QKI: variants seen among roughly 807,000 people sequenced by gnomAD.
QKI encodes the protein KH domain-containing RNA-binding protein QKI.
A neutral mutation model predicts 39.0 loss-of-function variants in QKI; 10 were observed. The ratio of observed to expected loss-of-function variants is 0.26; its 90% CI spans 0.16 to 0.43. The LOEUF is 0.43. Ranked by LOEUF, QKI falls within the 20% of genes least tolerant of loss-of-function variation. The pLI is 1.00. For missense variants in QKI, 218 were observed against 428.0 expected, an observed-to-expected ratio of 0.51 and a Z score of 4.33; for synonymous variants, 204 against 155.4, an observed-to-expected ratio of 1.31 and a Z score of -2.33.
chr6:163,423,700 CTAAT>C (rs1474918823), intron 1 of QKI: 4 of 152,174 alleles, frequency 2.6e-5, no homozygotes, highest in African/African-American at 7.2e-5. Context: ...CGATAACTTT[CTAAT>C]TAAGAGGCTA....
chr6:163,490,307 C>T (rs1777975662), intron 3 of QKI, among the ~76,000 whole-genome samples: 1 of 152,190 alleles, frequency 6.6e-6, no homozygotes, highest in Non-Finnish European at 1.5e-5. Context: ...TTAATACAAT[C>T]TGCGGCAGCA....
At chr6:163,503,825 C>A (rs143333186) in intron 3 of QKI, among the ~76,000 whole-genome samples, 6 of 151,880 alleles carry the variant, frequency 4.0e-5, no homozygotes, top group African/African-American at 1.5e-4. Context: ...CTGCAACTTC[C>A]GCCTCCTGGG....
At chr6:163,462,583 C>T (rs1299612782) in intron 2 of QKI, among the ~76,000 whole-genome samples, 2 of 151,998 alleles carry the variant, frequency 1.3e-5, no homozygotes, top group Non-Finnish European at 2.9e-5. Flanking sequence ...ATAAATTTGC[C>T]ATGTTAAGGA....
intron 1 of QKI, among the ~76,000 whole-genome samples, chr6:163,439,362 G>GT (rs1186180348): frequency 1.4e-5 from 2 of 146,544 alleles, no homozygotes; most frequent in African/African-American, 5.1e-5. Context: ...TTTCGGGGGG[G>GT]TGGGGGACGG....
intron 2 of QKI, among the ~76,000 whole-genome samples, chr6:163,459,867 T>C (rs1042098500): frequency 1.3e-5 from 2 of 152,248 alleles, no homozygotes; most frequent in Admixed American, 6.5e-5. Context: ...ATTGAAGTTA[T>C]ATTTAGACCA....
intron 4 of QKI, among the ~76,000 whole-genome samples, chr6:163,541,498 C>CT (rs34303940): frequency 0.56 from 79,790 of 142,300 alleles, 22,635 homozygotes; most frequent in East Asian, 0.73. Context: ...TATGTCTACC[C>CT]TTTTTTTTTT....
At chr6:163,461,405 A>C (rs1358601427) in intron 2 of QKI, among the ~76,000 whole-genome samples, 2 of 152,202 alleles carry the variant, frequency 1.3e-5, no homozygotes, top group Non-Finnish European at 2.9e-5. Context: ...TCTTTTATAA[A>C]TAATATATTT....
intron 2 of QKI, among the ~76,000 whole-genome samples, chr6:163,472,260 A>G (rs1272202871): frequency 6.6e-6 from 1 of 152,228 alleles, no homozygotes; most frequent in Non-Finnish European, 1.5e-5. Context: ...ATCATAAGGA[A>G]GAAAAAATAC....
At chr6:163,472,991 T>C (rs1273482811) in intron 2 of QKI, among the ~76,000 whole-genome samples, 1 of 151,796 alleles carries the variant, frequency 6.6e-6, no homozygotes, top group Non-Finnish European at 1.5e-5. Context: ...ACGAAGGAAG[T>C]AGAAGGAAGG....
At chr6:163,416,710 AC>A (rs1362687698) in intron 1 of QKI, among the ~76,000 whole-genome samples, 16 of 152,334 alleles carry the variant, frequency 1.1e-4, no homozygotes, top group African/African-American at 3.6e-4. Context: ...GTTAGGTGTT[AC>A]GGCTTTCTCG....
intron 1 of QKI, among the ~76,000 whole-genome samples, chr6:163,434,107 TG>T (rs1222209640): frequency 6.6e-6 from 1 of 152,054 alleles, no homozygotes; most frequent in African/African-American, 2.4e-5. Context: ...TGCTGGGTGC[TG>T]GGGGGATACA....
intron 1 of QKI, among the ~76,000 whole-genome samples, chr6:163,433,729 T>C (rs941730535): frequency 1.3e-5 from 2 of 151,956 alleles, no homozygotes; most frequent in African/African-American, 4.8e-5. Context: ...ACCACGCCAT[T>C]GCACTCCAGC....
At chr6:163,512,219 CATAGTAATATA>C (rs1379574718) in intron 3 of QKI, among the ~76,000 whole-genome samples, 1 of 151,974 alleles carries the variant, frequency 6.6e-6, no homozygotes, top group Non-Finnish European at 1.5e-5. Flanking sequence ...TATGAAAAGA[CATAGTAATATA>C]CTCAGCAGTA....
At chr6:163,491,535 A>G (rs907149555) in intron 3 of QKI, among the ~76,000 whole-genome samples, 1 of 150,980 alleles carries the variant, frequency 6.6e-6, no homozygotes, top group Non-Finnish European at 1.5e-5. Context: ...ATTATTGACT[A>G]GATTATTTTT....
intron 3 of QKI, among the ~76,000 whole-genome samples, chr6:163,511,320 A>G (rs1225129091): frequency 6.6e-6 from 1 of 152,162 alleles, no homozygotes; most frequent in Admixed American, 6.5e-5. Flanking sequence ...ATTTAAAGAA[A>G]ACAGCAAGGT....
In QKI at chr6:163,476,700, A is replaced by G. The variant is rs1464975492; in HGVS notation, c.286-2080A>G. 2.6e-5 allele frequency among the ~76,000 whole-genome samples: 4 copies of G among 152,242 alleles called. No homozygotes were observed. The East Asian group carries it at 7.7e-4, about 29-fold the overall frequency. The stretch of plus-strand genomic sequence containing the variant: ...TTCATTCTTGTTTTCTGCAAAACTC[A>G]GTGTGTGAGTGTCCAGTCTCTCTGG... On this transcript the variant is annotated intron_variant, in intron 2 of 7. Coordinates refer to ENST00000361752, the MANE Select transcript of QKI (RefSeq NM_006775.3).
chr6:163,561,843 G>C, intron 4 of QKI, 139 bp from the exon 5 acceptor site: 1 of 543,888 alleles, frequency 1.8e-6, no homozygotes, highest in Non-Finnish European at 3.1e-6. Flanking sequence ...GCACCTTTTG[G>C]TTCTTGATCT....
At position 163,414,823 on chromosome 6, in the gene QKI, C is replaced by G. The variant is rs1787281289; in HGVS notation, c.-371C>G. On this transcript the variant is annotated 5_prime_UTR_variant, in exon 1 of 8. Coordinates refer to ENST00000361752, the MANE Select transcript of QKI (RefSeq NM_006775.3). ...CGGCGGCGGCGCTGAGCGGGCTCGA[C>G]CAGCCGAGCGAGCGGCGGCCCCGGC... 1 of 145,140 alleles carries G rather than the reference C, an allele frequency of 6.9e-6. No homozygotes were observed. Among genetic ancestry groups the G allele is most frequent in the Admixed American group, 6.8e-5 (1 of 14,668 alleles). The allele number at this position is 145,140 out of a possible 1,614,324, so 9.0% of individuals were successfully genotyped here.
In QKI at chr6:163,450,738, GA is replaced by G. The variant is rs963859326; in HGVS notation, c.143-4530del. 2.6e-4 allele frequency among the ~76,000 whole-genome samples: 38 copies of G among 143,568 alleles called. No individual in the cohort carries two copies. The East Asian group carries it at 3.6e-3, about 14-fold the overall frequency. The allele number at this position is 143,568 out of a possible 152,430, so 94.2% of individuals were successfully genotyped here. Reference sequence around the variant, plus strand: ...AATAGTTTTCAGCGTAGTGAAATTCGAAAAAAAAAAAGTAAATTCAAAAAAT... The same window carrying G: ...AATAGTTTTCAGCGTAGTGAAATTCGAAAAAAAAAAGTAAATTCAAAAAAT... On this transcript the variant is annotated intron_variant, in intron 1 of 7. Coordinates refer to ENST00000361752, the MANE Select transcript of QKI (RefSeq NM_006775.3).
Sources: gnomAD v4.1 joint callset for allele counts (sites outside exome capture counted in the v4.1 genomes callset) on GRCh38, gnomAD v4.1.1 for gene constraint, MANE v1.5 for transcripts, NCBI Gene and HGNC (gene_info 2026-07-23, HGNC 2026-07-21) for gene names.